Variants in FHIT observed in about 807,000 individuals in gnomAD.
FHIT encodes the protein bis(5'-adenosyl)-triphosphatase.
Under a neutral mutation model 17.9 loss-of-function variants are expected in FHIT, and 19 were observed. The ratio of observed to expected loss-of-function variants is 1.06; its 90% CI spans 0.74 to 1.56. FHIT has a LOEUF of 1.56. Among genes scored for constraint, FHIT ranks in the 40% most tolerant of loss-of-function variants. The pLI, the probability that FHIT is intolerant of heterozygous loss-of-function variation, is 0.00. For synonymous variants in FHIT, 81 were observed against 69.7 expected (o/e 1.16, Z -0.81); for missense variants, 248 against 189.2 (o/e 1.31, Z -1.82).
chr3:60,169,407 T>A (rs1701320397), intron 5 of FHIT, among the ~76,000 whole-genome samples: 1 of 152,180 alleles, frequency 6.6e-6, no homozygotes, highest in Non-Finnish European at 1.5e-5. Context: ...TTGGCTAATT[T>A]ATAAATGTCA....
intron 5 of FHIT, among the ~76,000 whole-genome samples, chr3:60,487,447 G>T (rs970697155): frequency 3.9e-5 from 6 of 152,162 alleles, no homozygotes; most frequent in African/African-American, 1.2e-4. Context: ...ATCCATGAAA[G>T]CAACAATTGA....
chr3:60,789,382 G>A (rs1345308799), intron 4 of FHIT, among the ~76,000 whole-genome samples: 1 of 152,062 alleles, frequency 6.6e-6, no homozygotes, highest in East Asian at 1.9e-4. Flanking sequence ...GCTGCGCATG[G>A]TGGTGCACAC....
At position 60,533,627 on chromosome 3, in the gene FHIT, G is replaced by A. The variant is rs187111867; in HGVS notation, c.103+3233C>T. Among the ~76,000 whole-genome samples the A allele has an allele frequency of 2.6e-5, 4 of 152,240 alleles. No homozygotes were observed. The East Asian group carries it at 7.7e-4, about 29-fold the overall frequency. On this transcript the variant is annotated intron_variant, in intron 5 of 9. Coordinates refer to ENST00000492590, the MANE Select transcript of FHIT (RefSeq NM_002012.4). ...TTTGTTTTCTTCCCTAGGAGCAGGG[G>A]ACAGTTATCAAAGCACTTCAGATGA...
At chr3:60,570,337 T>C (rs116089341) in intron 4 of FHIT, among the ~76,000 whole-genome samples, 4,555 of 152,254 alleles carry the variant, frequency 0.03, 118 homozygotes, top group Non-Finnish European at 0.041. Flanking sequence ...ACACTGCAAC[T>C]TTTATAATCG....
At chr3:59,899,294 C>G (rs925917308) in intron 8 of FHIT, among the ~76,000 whole-genome samples, 1 of 152,194 alleles carries the variant, frequency 6.6e-6, no homozygotes, top group African/African-American at 2.4e-5. Flanking sequence ...ATGATCTCAT[C>G]TGAGCAGGCA....
At chr3:61,211,680 C>A (rs570422177) in intron 1 of FHIT, among the ~76,000 whole-genome samples, 2 of 152,340 alleles carry the variant, frequency 1.3e-5, no homozygotes, top group Non-Finnish European at 2.9e-5. Flanking sequence ...AGCCAGAGAT[C>A]TGAGAATGGG....
intron 4 of FHIT, among the ~76,000 whole-genome samples, chr3:60,610,552 T>C (rs2038753700): frequency 6.6e-6 from 1 of 152,120 alleles, no homozygotes; most frequent in African/African-American, 2.4e-5. Flanking sequence ...ATGTAAGTAT[T>C]TGAACAACTT....
At chr3:60,820,827 C>T (rs1445798488) in intron 4 of FHIT, among the ~76,000 whole-genome samples, 5 of 151,914 alleles carry the variant, frequency 3.3e-5, no homozygotes, top group Non-Finnish European at 7.4e-5. Flanking sequence ...ATGAGAGATA[C>T]TGTTAAAGGA....
chr3:60,855,493 C>T (rs1213675361), intron 3 of FHIT, among the ~76,000 whole-genome samples: 16 of 152,060 alleles, frequency 1.1e-4, no homozygotes, highest in Non-Finnish European at 2.2e-4. Context: ...GAGGAAAGAG[C>T]CTGAGTATGA....
intron 8 of FHIT, among the ~76,000 whole-genome samples, chr3:59,836,948 C>A (rs78065786): frequency 6.6e-6 from 1 of 152,094 alleles, no homozygotes; most frequent in Non-Finnish European, 1.5e-5. Flanking sequence ...TGTTATAGTG[C>A]TATTTCTAGT....
chr3:60,255,351 T>C (rs1027173637), intron 5 of FHIT, among the ~76,000 whole-genome samples: 1 of 152,120 alleles, frequency 6.6e-6, no homozygotes, highest in African/African-American at 2.4e-5. Context: ...ACTCCAAACC[T>C]TCGACAATAA....
chr3:60,932,480 G>A (rs1553772056), intron 3 of FHIT, among the ~76,000 whole-genome samples: 1 of 152,150 alleles, frequency 6.6e-6, no homozygotes, highest in African/African-American at 2.4e-5. Flanking sequence ...AGGGATCAGA[G>A]AATTGGAGGA....
chr3:59,877,593 T>A (rs895057062), intron 8 of FHIT, among the ~76,000 whole-genome samples: 1 of 152,172 alleles, frequency 6.6e-6, no homozygotes. Context: ...ATTTAAGACA[T>A]TGACCATGTT....
chr3:60,042,830 A>G (rs3856662), intron 5 of FHIT, among the ~76,000 whole-genome samples: 14,397 of 152,218 alleles, frequency 0.095, 767 homozygotes, highest in Non-Finnish European at 0.11. Flanking sequence ...AAACTTTAAA[A>G]GCTAGTGGCT....
chr3:60,668,043 G>T (rs2040421084), intron 4 of FHIT, among the ~76,000 whole-genome samples: 1 of 151,876 alleles, frequency 6.6e-6, no homozygotes, highest in Non-Finnish European at 1.5e-5. Flanking sequence ...GAACAAAGAG[G>T]CTTCCTAGAA....
At position 60,950,724 on chromosome 3, in the gene FHIT, T is replaced by C. The variant is rs138341158; in HGVS notation, c.-111+91323A>G. Among the ~76,000 whole-genome samples the C allele has an allele frequency of 5.1e-3, 777 of 151,964 alleles. 6 individuals are homozygous for C. Among genetic ancestry groups the C allele is most frequent in the Non-Finnish European group, 6.2e-3 (422 of 67,950 alleles). ...TTTTAGTACAGATGGGGTTTCACCA[T>C]GTTGGCCAGGCTGGTCTCGAACTCC... On this transcript the variant is annotated intron_variant, in intron 3 of 9. Coordinates refer to ENST00000492590, the MANE Select transcript of FHIT (RefSeq NM_002012.4).
chr3:60,818,555 T>C (rs1701814310), intron 4 of FHIT, among the ~76,000 whole-genome samples: 1 of 152,200 alleles, frequency 6.6e-6, no homozygotes, highest in African/African-American at 2.4e-5. Flanking sequence ...ACTTGGAATT[T>C]TATCAAGTGC....
intron 7 of FHIT, among the ~76,000 whole-genome samples, chr3:59,970,986 A>G (rs974735234): frequency 6.6e-6 from 1 of 152,040 alleles, no homozygotes; most frequent in Non-Finnish European, 1.5e-5. Context: ...TGACTTCAGA[A>G]TATGTGTGGA....
At chr3:60,633,557 T>C (rs1553682972) in intron 4 of FHIT, among the ~76,000 whole-genome samples, 4 of 152,188 alleles carry the variant, frequency 2.6e-5, no homozygotes, top group Non-Finnish European at 5.9e-5. Context: ...GTGAGGTCCT[T>C]TGGATTTAAT....
Sources: allele counts gnomAD v4.1 joint callset (sites outside exome capture counted in the v4.1 genomes callset), GRCh38; gene constraint gnomAD v4.1.1; transcripts MANE v1.5; gene names NCBI Gene and HGNC (gene_info 2026-07-23, HGNC 2026-07-21).